DNAH11: variants seen among roughly 807,000 people sequenced by gnomAD.
The protein encoded by DNAH11 is dynein axonemal heavy chain 11.
In DNAH11, 442 loss-of-function variants were observed where a neutral mutation model predicts 526.0. The observed-to-expected ratio is 0.84, with a 90% CI of 0.78 to 0.91. DNAH11 has a LOEUF of 0.91. Among genes scored for constraint, DNAH11 ranks in the 40% least tolerant of loss-of-function variants. DNAH11 has a pLI of 0.00. For synonymous variants in DNAH11, 2,461 were observed against 1,935.9 expected, an observed-to-expected ratio of 1.27 and a Z score of -7.12; for missense variants, 6,989 against 5,448.7, an observed-to-expected ratio of 1.28 and a Z score of -8.90.
chr7:21,724,026 C>G (rs1784981235), intron 44 of DNAH11, among the ~76,000 whole-genome samples: 1 of 152,114 alleles, frequency 6.6e-6, no homozygotes, highest in Admixed American at 6.5e-5. Flanking sequence ...AGAGGAGAGA[C>G]TCTGTTGGTT....
rs143030046 is a variant in DNAH11 at position 21,719,707 on chromosome 7, A to G, written c.7135-1018A>G. 8.7e-4 allele frequency among the ~76,000 whole-genome samples: 132 copies of G among 152,344 alleles called. 1 individual carries two copies. The highest frequency in any genetic ancestry group is 3.0e-3 in the African/African-American group (123 of 41,576). ...AGATTAAAGAATATAATAGGTGCTC[A>G]ATAATTTAAATGAAAAGTATTTCCC... is the stretch of plus-strand genomic sequence containing the variant. On this transcript the variant is annotated intron_variant, in intron 43 of 81. Coordinates refer to ENST00000409508, the MANE Select transcript of DNAH11 (RefSeq NM_001277115.2).
At position 21,551,557 on chromosome 7, in the gene DNAH11, G is replaced by C. The variant is rs540584388; in HGVS notation, c.495+6408G>C. Among the ~76,000 whole-genome samples the C allele has an allele frequency of 1.8e-4, 27 of 152,246 alleles. No individual in the cohort carries two copies. In the South Asian group the frequency reaches 5.2e-3, roughly 29 times the overall value. On this transcript the variant is annotated intron_variant, in intron 2 of 81. Coordinates refer to ENST00000409508, the MANE Select transcript of DNAH11 (RefSeq NM_001277115.2). ...TGGGCTTTAAGGAGCTTTAGGGCCT[G>C]GTTAAGACCATATAATTCACAGGTT...
intron 51 of DNAH11, 56 bp downstream of exon 51, chr7:21,745,119 C>G: frequency 6.6e-7 from 1 of 1,522,060 alleles, no homozygotes; most frequent in Non-Finnish European, 8.9e-7. Context: ...TGGATATCCA[C>G]TACTGTCATT....
At chr7:21,597,713 C>T (rs1479835882) in intron 14 of DNAH11, among the ~76,000 whole-genome samples, 1 of 152,162 alleles carries the variant, frequency 6.6e-6, no homozygotes, top group African/African-American at 2.4e-5. Flanking sequence ...AGGCCACTCT[C>T]CCAACACATG....
intron 48 of DNAH11, 56 bp from the exon 49 acceptor site, chr7:21,741,871 G>A: frequency 6.3e-7 from 1 of 1,583,074 alleles, no homozygotes; most frequent in Middle Eastern, 1.7e-4. Context: ...TCAGGTCTTT[G>A]CAATTTTCTG....
chr7:21,586,593 A>G (rs1272824656), intron 9 of DNAH11, among the ~76,000 whole-genome samples: 4 of 152,176 alleles, frequency 2.6e-5, no homozygotes, highest in Admixed American at 2.6e-4. Flanking sequence ...GTTTATGGAA[A>G]TATTTGCAAA....
Position 21,718,036 on chromosome 7 carries a change from T to C in DNAH11, c.7134+111T>C, listed in dbSNP as rs892507530. ...CAAGAAAGTGAGAAGATTTCTGGAA[T>C]TGTTAGATTGCTGCAACCCTCTTGC... On this transcript the variant is annotated intron_variant, in intron 43 of 81. Coordinates refer to ENST00000409508, the MANE Select transcript of DNAH11 (RefSeq NM_001277115.2). 68 of 1,438,910 alleles carry C rather than the reference T, an allele frequency of 4.7e-5. No individual in the cohort carries two copies. In the African/African-American group the frequency reaches 8.7e-4, roughly 18 times the overall value. The allele number at this position is 1,438,910 out of a possible 1,614,324, so 89.1% of individuals were successfully genotyped here.
At chr7:21,750,081 A>C in intron 53 of DNAH11, 141 bp from the exon 54 acceptor site, 2 of 1,199,276 alleles carry the variant, frequency 1.7e-6, no homozygotes, top group Non-Finnish European at 2.3e-6. Context: ...GTAAATAAAA[A>C]AGAAACATGA....
intron 66 of DNAH11, chr7:21,851,362 T>A: frequency 3.4e-6 from 1 of 298,466 alleles, no homozygotes; most frequent in South Asian, 3.3e-5. Context: ...GAACTATGAG[T>A]CAATTAAATC....
At chr7:21,834,419 C>G (rs1056023673) in intron 65 of DNAH11, among the ~76,000 whole-genome samples, 9 of 151,818 alleles carry the variant, frequency 5.9e-5, no homozygotes, top group African/African-American at 2.2e-4. Context: ...GGTTATGCCT[C>G]AAGGATCTAA....
At position 21,683,911 on chromosome 7, in the gene DNAH11, G is replaced by C. The variant is rs1207949479; in HGVS notation, c.5588G>C (p.Ser1863Thr). The change falls in exon 32 of 82, where the codon AGC becomes ACC. Residue 1863 changes from serine to threonine, a missense_variant. Coordinates refer to ENST00000409508, the MANE Select transcript of DNAH11 (RefSeq NM_001277115.2). ...FQYFYEYLGN[S>T]PRLVITPLTD... ...TACTTCTATGAATACTTAGGAAACA[G>C]CCCTCGACTAGTGATCACTCCTCTA... The C allele has an allele frequency of 6.2e-7, 1 of 1,613,680 alleles. No homozygotes were observed. Among genetic ancestry groups the C allele is most frequent in the South Asian group, 1.1e-5 (1 of 91,040 alleles).
At chr7:21,588,823 T>C (rs1391158826) in intron 11 of DNAH11, among the ~76,000 whole-genome samples, 187 bp downstream of exon 11, 2 of 152,216 alleles carry the variant, frequency 1.3e-5, no homozygotes, top group Non-Finnish European at 2.9e-5. Context: ...ACTCTTAGAA[T>C]TTCATATGCT....
chr7:21,657,734 C>G (rs1177154618), intron 29 of DNAH11, among the ~76,000 whole-genome samples: 1 of 152,166 alleles, frequency 6.6e-6, no homozygotes, highest in East Asian at 1.9e-4. Flanking sequence ...TTCGGTTAAT[C>G]TGAACTCATG....
chr7:21,900,816 G>C, intron 81 of DNAH11, 191 bp from the exon 82 acceptor site: 2 of 784,300 alleles, frequency 2.6e-6, no homozygotes, highest in African/African-American at 1.8e-5. Flanking sequence ...GAAGCAAAGC[G>C]GTGCCTCCGC....
intron 68 of DNAH11, among the ~76,000 whole-genome samples, chr7:21,858,878 G>A (rs187299735): frequency 2.0e-5 from 3 of 152,188 alleles, no homozygotes; most frequent in East Asian, 1.9e-4. Context: ...GTATGTAAAC[G>A]AAAAACTGAT....
At chr7:21,790,280 A>G (rs1191621414) in intron 61 of DNAH11, among the ~76,000 whole-genome samples, 1 of 152,006 alleles carries the variant, frequency 6.6e-6, no homozygotes, top group Non-Finnish European at 1.5e-5. Flanking sequence ...CCCCGTCACT[A>G]CTAAAAATAC....
intron 25 of DNAH11, among the ~76,000 whole-genome samples, chr7:21,633,590 C>T (rs548218617): frequency 1.3e-5 from 2 of 152,160 alleles, no homozygotes; most frequent in East Asian, 3.9e-4. Flanking sequence ...TTTATTTATT[C>T]ATTGAGCACC....
chr7:21,635,902 A>T lies in DNAH11; in HGVS notation c.4532A>T (p.Tyr1511Phe), dbSNP rs565283604. ...TTGCAGACTCTTCTTCAAAGCAAGT[A>T]TGTAGAATATTTCATTGAGCAAGTG... ...VQLQTLLQSK[Y>F]VEYFIEQVLS... Residue 1511 changes from tyrosine to phenylalanine, a missense_variant, in exon 26 of 82, where the codon TAT (tyrosine) becomes TTT (phenylalanine). Physicochemically the swap from Tyr to Phe is conservative, Grantham distance 22. Coordinates refer to ENST00000409508, the MANE Select transcript of DNAH11 (RefSeq NM_001277115.2). 5 of 1,612,848 alleles carry T rather than the reference A, an allele frequency of 3.1e-6. No individual in the cohort carries two copies. Among genetic ancestry groups the T allele is most frequent in the East Asian group, 4.5e-5 (2 of 44,854 alleles).
intron 25 of DNAH11, among the ~76,000 whole-genome samples, chr7:21,620,579 T>A (rs1015233894): frequency 1.3e-5 from 2 of 152,120 alleles, no homozygotes; most frequent in Non-Finnish European, 2.9e-5. Context: ...ATTTTACTAT[T>A]ATACTTTAAG....
Sources: allele counts gnomAD v4.1 joint callset (sites outside exome capture counted in the v4.1 genomes callset), GRCh38; gene constraint gnomAD v4.1.1; transcripts MANE v1.5; gene names NCBI Gene and HGNC (gene_info 2026-07-23, HGNC 2026-07-21).